Variants in AGFG1 observed in about 807,000 individuals in gnomAD.
The protein encoded by AGFG1 is arf-GAP domain and FG repeat-containing protein 1.
Under a neutral mutation model 60.6 loss-of-function variants are expected in AGFG1, and 10 were observed. The ratio of observed to expected loss-of-function variants is 0.16; its 90% confidence interval spans 0.10 to 0.28. AGFG1 has a LOEUF of 0.28. AGFG1 is among the 10% of genes least tolerant of loss of function. The pLI is 1.00. For synonymous variants in AGFG1, 247 were observed against 242.9 expected (o/e 1.02, Z -0.16); for missense variants, 537 against 676.5 (o/e 0.79, Z 2.29).
intron 10 of AGFG1, among the ~76,000 whole-genome samples, chr2:227,545,467 C>T (rs1040203354): frequency 2.6e-5 from 4 of 152,216 alleles, no homozygotes; most frequent in South Asian, 2.1e-4. Flanking sequence ...TCTGTCAGTT[C>T]GTCTAAAGTC....
intron 2 of AGFG1, among the ~76,000 whole-genome samples, chr2:227,517,275 TAGAC>T (rs926708631): frequency 6.6e-6 from 1 of 152,168 alleles, no homozygotes. Flanking sequence ...AATATATATA[TAGAC>T]AGACAGACAC....
At position 227,531,214 on chromosome 2, in the gene AGFG1, G is replaced by GA; in HGVS notation, c.814+5dup. 6.2e-7 allele frequency: 1 copy of GA among 1,612,468 alleles called. No individual in the cohort carries two copies. The highest frequency in any genetic ancestry group is 8.5e-7 in the Non-Finnish European group (1 of 1,179,388). ...CCTTTTCAGCCCCAAACTACAGGTA[G>GA]AGCTTCTCCAGCATTGTGCTTAAAT... On this transcript the variant is annotated splice_donor_region_variant and intron_variant, in intron 6 of 12. Coordinates refer to ENST00000310078, the MANE Select transcript of AGFG1 (RefSeq NM_004504.5).
chr2:227,510,231 G>A (rs1242902994), intron 2 of AGFG1, among the ~76,000 whole-genome samples: 2 of 151,890 alleles, frequency 1.3e-5, no homozygotes, highest in South Asian at 4.1e-4. Context: ...GGAAAACCAC[G>A]AAACACAGCA....
Position 227,523,311 on chromosome 2 carries a change from A to G in AGFG1, c.378-452A>G, listed in dbSNP as rs1053237745. Among the ~76,000 whole-genome samples the G allele has an allele frequency of 5.3e-5, 8 of 152,300 alleles. No homozygotes were observed. The East Asian group carries it at 1.3e-3, about 26-fold the overall frequency. On this transcript the variant is annotated intron_variant, in intron 3 of 12. Coordinates refer to ENST00000310078, the MANE Select transcript of AGFG1 (RefSeq NM_004504.5). ...AAATGGGATGATCTTATTCTTACAG[A>G]TGTAATAAGCCTTTATATTTTAGGC...
chr2:227,503,139 G>T (rs902202435), intron 2 of AGFG1, among the ~76,000 whole-genome samples: 3 of 151,958 alleles, frequency 2.0e-5, no homozygotes, highest in South Asian at 2.1e-4. Context: ...AGGCTGAGGT[G>T]GGGGGATCAC....
chr2:227,517,502 C>T (rs1643878319), intron 2 of AGFG1, among the ~76,000 whole-genome samples: 1 of 152,190 alleles, frequency 6.6e-6, no homozygotes, highest in South Asian at 2.1e-4. Flanking sequence ...GATCTCCTGA[C>T]CTCATGATCC....
Position 227,484,010 on chromosome 2 carries a change from G to A in AGFG1, c.168-7537G>A, listed in dbSNP as rs1690546523. Reference sequence around the variant, plus strand: ...TATACACATGCCATGTTGGTGTGCTGCACCCATTAACATTAGGTATATCTC... The same window carrying A: ...TATACACATGCCATGTTGGTGTGCTACACCCATTAACATTAGGTATATCTC... On this transcript the variant is annotated intron_variant, in intron 1 of 12. Transcript: ENST00000310078. Among the ~76,000 whole-genome samples, 3 of 151,986 alleles carry A rather than the reference G, an allele frequency of 2.0e-5. No homozygotes were observed. In the East Asian group the frequency reaches 5.8e-4, roughly 29 times the overall value.
Position 227,536,709 on chromosome 2 carries a change from G to T in AGFG1, c.1285+5G>T. 1 of 1,613,568 alleles carries T rather than the reference G, an allele frequency of 6.2e-7. No homozygotes were observed. The highest frequency in any genetic ancestry group is 8.5e-7 in the Non-Finnish European group (1 of 1,179,682). On this transcript the variant is annotated splice_donor_5th_base_variant and intron_variant, in intron 9 of 12. Coordinates refer to ENST00000310078, the MANE Select transcript of AGFG1 (RefSeq NM_004504.5). Reference sequence around the variant, plus strand: ...GTGTGCCTGCTCCATTTGGAGGTATGTGCTTCTGGTATATACACTGGTTTT... The same window carrying T: ...GTGTGCCTGCTCCATTTGGAGGTATTTGCTTCTGGTATATACACTGGTTTT...
At chr2:227,474,871 A>C (rs1690233641) in intron 1 of AGFG1, among the ~76,000 whole-genome samples, 1 of 152,158 alleles carries the variant, frequency 6.6e-6, no homozygotes, top group African/African-American at 2.4e-5. Flanking sequence ...AATCTATTTG[A>C]GCTTGATTTT....
intron 7 of AGFG1, 67 bp from the exon 8 acceptor site, chr2:227,534,778 A>C (rs915243876): frequency 1.3e-6 from 2 of 1,549,798 alleles, no homozygotes; most frequent in Non-Finnish European, 1.8e-6. Flanking sequence ...TTTCATGGCA[A>C]ATGTGGTTGA....
chr2:227,484,463 G>A (rs1690560391), intron 1 of AGFG1, among the ~76,000 whole-genome samples: 1 of 152,068 alleles, frequency 6.6e-6, no homozygotes, highest in South Asian at 2.1e-4. Flanking sequence ...ACAGGTGTGA[G>A]CCACCGCGCC....
chr2:227,537,124 C>A, intron 10 of AGFG1, 131 bp downstream of exon 10: 2 of 680,882 alleles, frequency 2.9e-6, no homozygotes, highest in South Asian at 2.5e-5. Flanking sequence ...AAGAGTTTGT[C>A]CATAAAGACA....
chr2:227,472,412 C>T lies in AGFG1; in HGVS notation c.-10C>T, dbSNP rs1247596516. 29 of 1,466,110 alleles carry T rather than the reference C, an allele frequency of 2.0e-5. No individual in the cohort carries two copies. The highest frequency in any genetic ancestry group is 2.5e-5 in the Non-Finnish European group (27 of 1,101,948). 90.8% of individuals were successfully genotyped at this position (1,466,110 alleles called of 1,614,324 possible). ...CGGCCCTGCCGGCCTCCTCCCTTGGCGCCGCGGCCATGGCGGCCAGCGCGA... is the reference window on the plus strand; with the variant it reads ...CGGCCCTGCCGGCCTCCTCCCTTGGTGCCGCGGCCATGGCGGCCAGCGCGA... On this transcript the variant is annotated 5_prime_UTR_variant, in exon 1 of 13. Coordinates refer to ENST00000310078, the MANE Select transcript of AGFG1 (RefSeq NM_004504.5).
intron 2 of AGFG1, among the ~76,000 whole-genome samples, chr2:227,518,746 G>A (rs542859616): frequency 1.3e-5 from 2 of 151,854 alleles, no homozygotes; most frequent in East Asian, 1.9e-4. Flanking sequence ...GTCTAGTCCC[G>A]AACTCCTGAC....
At chr2:227,537,656 C>T (rs1465294557) in intron 10 of AGFG1, among the ~76,000 whole-genome samples, 1 of 152,042 alleles carries the variant, frequency 6.6e-6, no homozygotes, top group African/African-American at 2.4e-5. Context: ...GTCGTATTAC[C>T]TTAAACACCA....
In AGFG1 at chr2:227,476,435, TCCTAGCC is replaced by T. The variant is rs1690281940; in HGVS notation, c.167+3848_167+3854del. On this transcript the variant is annotated intron_variant, in intron 1 of 12. Transcript: ENST00000310078. ...AATTGATATGTAATATAAAAGATTG[TCCTAGCC>T]TTAAAAAGTGATCCATAAATTTTTC... 2.0e-5 allele frequency among the ~76,000 whole-genome samples: 3 copies of T among 152,336 alleles called. No individual in the cohort carries two copies. The East Asian group carries it at 5.8e-4, about 29-fold the overall frequency.
At chr2:227,477,157 T>C (rs1328412345) in intron 1 of AGFG1, among the ~76,000 whole-genome samples, 1 of 152,148 alleles carries the variant, frequency 6.6e-6, no homozygotes, top group Non-Finnish European at 1.5e-5. Flanking sequence ...CGCCTTGGCC[T>C]CTCAAAGTGC....
chr2:227,512,560 A>G (rs774730315), intron 2 of AGFG1, among the ~76,000 whole-genome samples: 2 of 152,174 alleles, frequency 1.3e-5, no homozygotes, highest in African/African-American at 2.4e-5. Context: ...CTGAGTATGG[A>G]CTTTTTCTCC....
chr2:227,524,405 G>C (rs1256536797), intron 4 of AGFG1, among the ~76,000 whole-genome samples: 1 of 152,136 alleles, frequency 6.6e-6, no homozygotes, highest in Non-Finnish European at 1.5e-5. Flanking sequence ...TCTTAAAAAT[G>C]AACAAAATGG....
Sources: allele counts gnomAD v4.1 joint callset (sites outside exome capture counted in the v4.1 genomes callset), GRCh38; gene constraint gnomAD v4.1.1; transcripts MANE v1.5; gene names NCBI Gene and HGNC (gene_info 2026-07-23, HGNC 2026-07-21).